The following NRG1 variants were observed in gnomAD, a reference collection of about 807,000 sequenced individuals.
The protein encoded by NRG1 is pro-neuregulin-1, membrane-bound isoform.
A neutral mutation model predicts 63.8 loss-of-function variants in NRG1; 18 were observed. The observed-to-expected ratio is 0.28, with a 90% confidence interval of 0.19 to 0.42. The LOEUF is 0.42. NRG1 is among the 10% of genes least tolerant of loss of function. The pLI is 1.00. For missense variants in NRG1, 762 were observed against 814.7 expected (o/e 0.94, Z 0.79); for synonymous variants, 302 against 301.3 (o/e 1.00, Z -0.02).
intron 1 of NRG1, among the ~76,000 whole-genome samples, chr8:32,554,336 C>T (rs983879941): frequency 2.0e-5 from 3 of 151,574 alleles, no homozygotes; most frequent in East Asian, 1.9e-4. Flanking sequence ...AAAAAAAAAG[C>T]GAGCTACCAA....
At chr8:32,114,725 C>G (rs1479415219) in intron 1 of NRG1, among the ~76,000 whole-genome samples, 2 of 152,286 alleles carry the variant, frequency 1.3e-5, no homozygotes, top group Admixed American at 6.5e-5. Context: ...AGCTATAGGT[C>G]ATGTGGATTT....
chr8:32,537,378 A>G (rs1832116165), intron 1 of NRG1, among the ~76,000 whole-genome samples: 1 of 152,136 alleles, frequency 6.6e-6, no homozygotes, highest in African/African-American at 2.4e-5. Flanking sequence ...AATTCAGACT[A>G]GGGTGACGAA....
At chr8:31,756,349 C>T (rs1300525459) in intron 1 of NRG1, among the ~76,000 whole-genome samples, 1 of 152,082 alleles carries the variant, frequency 6.6e-6, no homozygotes, top group Non-Finnish European at 1.5e-5. Flanking sequence ...GGAAGCAGGT[C>T]TGTTAAGGGC....
At chr8:32,538,360 T>G (rs1588164952) in intron 1 of NRG1, among the ~76,000 whole-genome samples, 1 of 152,216 alleles carries the variant, frequency 6.6e-6, no homozygotes. Flanking sequence ...ATAAAAATTT[T>G]ATTCCTAAAG....
At chr8:31,935,297 A>G (rs780744462) in intron 1 of NRG1, among the ~76,000 whole-genome samples, 1 of 151,668 alleles carries the variant, frequency 6.6e-6, no homozygotes, top group Non-Finnish European at 1.5e-5. Context: ...TTAAAAAATT[A>G]TTTTTAGTAG....
intron 1 of NRG1, among the ~76,000 whole-genome samples, chr8:31,772,388 C>T (rs939306764): frequency 6.6e-6 from 1 of 152,186 alleles, no homozygotes; most frequent in Non-Finnish European, 1.5e-5. Context: ...TCTGTTTTGA[C>T]TGTTGACCTA....
intron 5 of NRG1, among the ~76,000 whole-genome samples, chr8:32,638,840 T>C (rs1010115903): frequency 1.3e-5 from 2 of 152,126 alleles, no homozygotes; most frequent in African/African-American, 4.8e-5. Context: ...GAAAAGGAGA[T>C]TGGCATTTCA....
intron 7 of NRG1, among the ~76,000 whole-genome samples, chr8:32,751,629 T>A (rs1203722840): frequency 6.6e-6 from 1 of 152,226 alleles, no homozygotes; most frequent in Non-Finnish European, 1.5e-5. Flanking sequence ...GTAGTGCATC[T>A]GGTCAATGCT....
intron 1 of NRG1, chr8:31,639,476 A>T: frequency 1.3e-6 from 2 of 1,531,068 alleles, no homozygotes; most frequent in Non-Finnish European, 1.7e-6. Flanking sequence ...CGCCGCGGCC[A>T]CCCAGCGATT....
chr8:32,175,313 G>A (rs1322233484), intron 1 of NRG1, among the ~76,000 whole-genome samples: 2 of 152,116 alleles, frequency 1.3e-5, no homozygotes, highest in Non-Finnish European at 2.9e-5. Flanking sequence ...AATAAATTAG[G>A]TATTGATGGG....
chr8:31,983,655 A>T (rs327367), intron 1 of NRG1, among the ~76,000 whole-genome samples: 128,795 of 152,034 alleles, frequency 0.85, 55,438 homozygotes, highest in African/African-American at 0.96. Context: ...GGGCTGACAA[A>T]GGTGAATAAC....
intron 1 of NRG1, among the ~76,000 whole-genome samples, chr8:31,657,032 C>T (rs983332541): frequency 1.3e-5 from 2 of 152,162 alleles, no homozygotes; most frequent in Non-Finnish European, 2.9e-5. Flanking sequence ...ATAGTAATTG[C>T]GTGCATTTTT....
chr8:32,498,093 G>C (rs1293976191), intron 1 of NRG1, among the ~76,000 whole-genome samples: 1 of 152,142 alleles, frequency 6.6e-6, no homozygotes, highest in African/African-American at 2.4e-5. Context: ...AAAGTACTGG[G>C]ATTACAGGTG....
intron 1 of NRG1, among the ~76,000 whole-genome samples, chr8:31,877,634 G>T (rs1446129941): frequency 6.6e-6 from 1 of 152,064 alleles, no homozygotes. Flanking sequence ...CTTATTTTGT[G>T]ACATATGTTT....
chr8:31,956,848 T>C (rs934758828), intron 1 of NRG1, among the ~76,000 whole-genome samples: 2 of 152,220 alleles, frequency 1.3e-5, no homozygotes, highest in East Asian at 1.9e-4. Flanking sequence ...ATAAAAGATG[T>C]ATAATAATCT....
chr8:31,722,123 G>A (rs1812979686), intron 1 of NRG1, among the ~76,000 whole-genome samples: 1 of 152,004 alleles, frequency 6.6e-6, no homozygotes, highest in Non-Finnish European at 1.5e-5. Flanking sequence ...GCTCATTAGT[G>A]TGACATACAA....
intron 6 of NRG1, among the ~76,000 whole-genome samples, chr8:32,734,961 T>A (rs1216424279): frequency 2.6e-5 from 4 of 152,200 alleles, no homozygotes; most frequent in Non-Finnish European, 5.9e-5. Context: ...TGTAGGCTAC[T>A]GCAAGTAACA....
intron 1 of NRG1, among the ~76,000 whole-genome samples, chr8:31,790,360 A>G (rs1449138969): frequency 2.0e-5 from 3 of 152,218 alleles, no homozygotes; most frequent in African/African-American, 7.2e-5. Context: ...GAGGAAGGGT[A>G]CTGGCTTGTT....
intron 1 of NRG1, among the ~76,000 whole-genome samples, chr8:32,052,520 T>G (rs4298460): frequency 0.98 from 148,376 of 151,998 alleles, 72,522 homozygotes; most frequent in East Asian, 1. Context: ...GGCCTCAAGT[T>G]ATCCTCCCAC....
Sources: gnomAD v4.1 joint callset for allele counts (sites outside exome capture counted in the v4.1 genomes callset) on GRCh38, gnomAD v4.1.1 for gene constraint, MANE v1.5 for transcripts, NCBI Gene and HGNC (gene_info 2026-07-23, HGNC 2026-07-21) for gene names.